CCDC171: variants seen among roughly 807,000 people sequenced by gnomAD.
CCDC171 encodes the protein coiled-coil domain-containing protein 171.
CCDC171 carries 177 observed loss-of-function variants against 168.2 expected under a neutral mutation model. That is an observed-to-expected ratio of 1.05 (90% CI 0.93 to 1.19). The LOEUF is 1.19. Among genes scored for constraint, CCDC171 ranks in the 50% most tolerant of loss-of-function variants. CCDC171 has a pLI of 0.00. For synonymous variants in CCDC171, 687 were observed against 540.8 expected, an observed-to-expected ratio of 1.27 and a Z score of -3.75; for missense variants, 1,991 against 1,539.0, an observed-to-expected ratio of 1.29 and a Z score of -4.91.
At chr9:15,905,280 C>T (rs553067388) in intron 24 of CCDC171, among the ~76,000 whole-genome samples, 1 of 152,298 alleles carries the variant, frequency 6.6e-6, no homozygotes, top group African/African-American at 2.4e-5. Flanking sequence ...AAGTAAAGCA[C>T]TCCTCAGCAA....
chr9:15,765,067 T>C (rs2056648994), intron 18 of CCDC171, among the ~76,000 whole-genome samples: 1 of 152,190 alleles, frequency 6.6e-6, no homozygotes, highest in Non-Finnish European at 1.5e-5. Flanking sequence ...TAATTAATCA[T>C]GTGGAATGCT....
At chr9:15,938,311 A>C (rs774587161) in intron 25 of CCDC171, among the ~76,000 whole-genome samples, 3 of 151,868 alleles carry the variant, frequency 2.0e-5, no homozygotes, top group Admixed American at 6.6e-5. Flanking sequence ...CCAGGTTATG[A>C]AATAGTGGGG....
At chr9:15,597,294 G>A (rs920351793) in intron 6 of CCDC171, among the ~76,000 whole-genome samples, 6 of 152,100 alleles carry the variant, frequency 3.9e-5, no homozygotes, top group African/African-American at 1.4e-4. Flanking sequence ...GTCATAAAGA[G>A]CTCTTATTAT....
intron 21 of CCDC171, among the ~76,000 whole-genome samples, chr9:15,832,008 T>TTTTG (rs1044178916): frequency 1.2e-4 from 19 of 152,222 alleles, no homozygotes; most frequent in African/African-American, 4.3e-4. Context: ...TTTTTGTCTT[T>TTTTG]TTTGTTTGTT....
chr9:15,603,188 G>C (rs1277689437), intron 6 of CCDC171, among the ~76,000 whole-genome samples: 1 of 151,990 alleles, frequency 6.6e-6, no homozygotes, highest in African/African-American at 2.4e-5. Flanking sequence ...GTTTCACCGT[G>C]TTAGCCAGGA....
intron 9 of CCDC171, among the ~76,000 whole-genome samples, chr9:15,673,079 T>C (rs940249164): frequency 6.6e-6 from 1 of 152,220 alleles, no homozygotes; most frequent in Non-Finnish European, 1.5e-5. Context: ...ACATCCCTTG[T>C]AAGTTGTATT....
At chr9:15,761,796 A>G (rs977496980) in intron 18 of CCDC171, among the ~76,000 whole-genome samples, 2 of 152,128 alleles carry the variant, frequency 1.3e-5, no homozygotes, top group Non-Finnish European at 2.9e-5. Context: ...ATTTTTACAA[A>G]TTTTGTGATT....
At chr9:15,649,376 A>C (rs1201101710) in intron 7 of CCDC171, among the ~76,000 whole-genome samples, 1 of 152,240 alleles carries the variant, frequency 6.6e-6, no homozygotes, top group Non-Finnish European at 1.5e-5. Flanking sequence ...AGCAATGGCA[A>C]CAAAAGCCAA....
At chr9:15,967,693 G>C (rs1830938524) in intron 25 of CCDC171, among the ~76,000 whole-genome samples, 2 of 152,196 alleles carry the variant, frequency 1.3e-5, no homozygotes, top group African/African-American at 4.8e-5. Context: ...TAAAAGAACT[G>C]TGAGGAGAAG....
At chr9:15,732,109 A>T (rs1564303858) in intron 16 of CCDC171, among the ~76,000 whole-genome samples, 2 of 152,056 alleles carry the variant, frequency 1.3e-5, no homozygotes, top group African/African-American at 4.8e-5. Context: ...TGTCATGTAT[A>T]TGCATCACAA....
intron 6 of CCDC171, among the ~76,000 whole-genome samples, chr9:15,596,126 T>G (rs1188591282): frequency 6.6e-6 from 1 of 152,238 alleles, no homozygotes; most frequent in African/African-American, 2.4e-5. Flanking sequence ...TTTCTTTTGC[T>G]GTGTAGGAGC....
In CCDC171 at chr9:15,744,269, A is replaced by T. The variant is rs750446210; in HGVS notation, c.2050-4A>T. ...TCAAATATATTTTTTGACTTCTTCC[A>T]TAGAAATTTCAAGAAATTGCTGAAA... On this transcript the variant is annotated splice_polypyrimidine_tract_variant and splice_region_variant and intron_variant, in intron 16 of 25. Coordinates refer to ENST00000380701, the MANE Select transcript of CCDC171 (RefSeq NM_173550.4). The T allele has an allele frequency of 1.3e-6, 2 of 1,575,102 alleles. No homozygotes were observed. Among genetic ancestry groups the T allele is most frequent in the Admixed American group, 3.8e-5 (2 of 52,744 alleles).
chr9:15,744,461 C>G lies in CCDC171; in HGVS notation c.2238C>G (p.Cys746Trp), dbSNP rs763305436. The G allele has an allele frequency of 1.1e-5, 18 of 1,614,060 alleles. No individual in the cohort carries two copies. The highest frequency in any genetic ancestry group is 1.5e-5 in the Non-Finnish European group (18 of 1,180,000). ...TATATCCCCTCTATAGCCGATCATG[C>G]GCCTTGTCTACACAGAGAGATTTTC... Reference protein sequence around the residue: ...GALYPLYSRSCALSTQRDFLQ... With the variant: ...GALYPLYSRSWALSTQRDFLQ... The change falls in exon 17 of 26, where the codon TGC (cysteine) becomes TGG (tryptophan). Residue 746 changes from cysteine to tryptophan, a missense_variant. By Grantham distance (215) the Cys-to-Trp change is radical. Transcript: ENST00000380701.
At chr9:16,060,246 G>A (rs1451429335) in intron 1 of CCDC171, among the ~76,000 whole-genome samples, 1 of 152,182 alleles carries the variant, frequency 6.6e-6, no homozygotes, top group Non-Finnish European at 1.5e-5. Flanking sequence ...GAAAGGGATA[G>A]GGAGAGAGTT....
chr9:15,605,313 A>T (rs2043138372), intron 6 of CCDC171, among the ~76,000 whole-genome samples: 1 of 152,018 alleles, frequency 6.6e-6, no homozygotes, highest in African/African-American at 2.4e-5. Context: ...TTCTTCTGGA[A>T]AACTATGTAC....
chr9:15,840,642 T>C (rs958370682), intron 21 of CCDC171, among the ~76,000 whole-genome samples: 2 of 152,148 alleles, frequency 1.3e-5, no homozygotes, highest in Admixed American at 6.6e-5. Flanking sequence ...TGCTTTATAC[T>C]CAGAAAACAT....
At chr9:15,978,653 A>T (rs918820862), downstream of CCDC171, among the ~76,000 whole-genome samples, 1 of 152,218 alleles carries the variant, frequency 6.6e-6, no homozygotes, top group African/African-American at 2.4e-5. Flanking sequence ...GACTAGATTT[A>T]TCTGCTTCAC....
intron 6 of CCDC171, among the ~76,000 whole-genome samples, chr9:15,599,642 T>C (rs549138164): frequency 1.2e-3 from 188 of 152,296 alleles, no homozygotes; most frequent in Middle Eastern, 3.4e-3. Context: ...GTTGCTCCTT[T>C]CGAGGAGTAT....
intron 24 of CCDC171, among the ~76,000 whole-genome samples, chr9:15,912,666 C>G (rs1176460194): frequency 1.3e-5 from 2 of 152,134 alleles, no homozygotes; most frequent in Non-Finnish European, 2.9e-5. Context: ...ATGATATTGG[C>G]TGTGCGTTTG....
Sources: gnomAD v4.1 joint callset for allele counts (sites outside exome capture counted in the v4.1 genomes callset) on GRCh38, gnomAD v4.1.1 for gene constraint, MANE v1.5 for transcripts, NCBI Gene and HGNC (gene_info 2026-07-23, HGNC 2026-07-21) for gene names.